The following ADGRL2 variants were observed in gnomAD, a reference collection of about 807,000 sequenced individuals.
ADGRL2 encodes the protein calcium-independent alpha-latrotoxin receptor 2.
A neutral mutation model predicts 157.4 loss-of-function variants in ADGRL2; 44 were observed. That is an observed-to-expected ratio of 0.28 (90% confidence interval 0.22 to 0.36). The LOEUF (loss-of-function observed/expected upper bound fraction) is 0.36. Among genes scored for constraint, ADGRL2 ranks in the 10% least tolerant of loss-of-function variants. ADGRL2 has a pLI of 1.00. For missense variants in ADGRL2, 1,510 were observed against 1,768.9 expected (o/e 0.85, Z 2.63); for synonymous variants, 585 against 624.7 (o/e 0.94, Z 0.95).
intron 2 of ADGRL2, among the ~76,000 whole-genome samples, chr1:81,869,593 T>G (rs2093637996): frequency 6.6e-6 from 1 of 152,114 alleles, no homozygotes; most frequent in African/African-American, 2.4e-5. Flanking sequence ...GTGTATAGTT[T>G]GAATACTTTA....
intron 3 of ADGRL2, among the ~76,000 whole-genome samples, chr1:81,638,968 G>A (rs772275898): frequency 7.9e-5 from 12 of 152,264 alleles, no homozygotes; most frequent in African/African-American, 9.6e-5. Context: ...CACCCACTGC[G>A]CTTCAACTTG....
At chr1:81,530,951 GC>G (rs56978594) in intron 2 of ADGRL2, among the ~76,000 whole-genome samples, 4,445 of 151,954 alleles carry the variant, frequency 0.029, 214 homozygotes, top group African/African-American at 0.1. Context: ...AGGCATGGTG[GC>G]GCACACCTGT....
intron 2 of ADGRL2, chr1:81,501,761 G>A: frequency 6.2e-7 from 1 of 1,609,542 alleles, no homozygotes; most frequent in East Asian, 2.2e-5. Context: ...GGTGAAGCTT[G>A]AGGCAAAAAT....
At chr1:81,487,044 C>T (rs1252372475) in intron 2 of ADGRL2, among the ~76,000 whole-genome samples, 1 of 134,492 alleles carries the variant, frequency 7.4e-6, no homozygotes, top group East Asian at 2.2e-4. Context: ...TCACTTGAGC[C>T]AGGAATTGGA....
chr1:81,635,023 C>T (rs1387384283), intron 3 of ADGRL2, among the ~76,000 whole-genome samples: 6 of 152,190 alleles, frequency 3.9e-5, no homozygotes, highest in Non-Finnish European at 8.8e-5. Flanking sequence ...GGGCTTAACA[C>T]CCAAGAATTA....
intron 1 of ADGRL2, among the ~76,000 whole-genome samples, chr1:81,394,842 C>G (rs1336307765): frequency 1.3e-5 from 2 of 152,000 alleles, no homozygotes; most frequent in African/African-American, 4.8e-5. Flanking sequence ...TACATTCTTT[C>G]CATTCTTACC....
Position 81,670,786 on chromosome 1 carries a change from G to T in ADGRL2, c.-143+89806G>T, listed in dbSNP as rs2148915163. Among the ~76,000 whole-genome samples the T allele has an allele frequency of 3.9e-5, 6 of 152,300 alleles. No individual in the cohort carries two copies. In the Middle Eastern group the frequency reaches 0.017, roughly 432 times the overall value. On this transcript the variant is annotated intron_variant, in intron 3 of 24. Coordinates refer to the ADGRL2 transcript ENST00000370721. ...GCTGGGTGCAATGGCACGATCTTGG[G>T]TCACTGCAGCCTTAACCTCCCAGGC... is the stretch of plus-strand genomic sequence containing the variant.
chr1:81,401,299 C>T (rs112509681), intron 1 of ADGRL2, among the ~76,000 whole-genome samples: 3,980 of 152,256 alleles, frequency 0.026, 67 homozygotes, highest in Middle Eastern at 0.044. Context: ...ACTCAGCTGC[C>T]TGGAGTTCAC....
At chr1:81,462,839 A>G (rs1295449064) in intron 2 of ADGRL2, among the ~76,000 whole-genome samples, 1 of 152,242 alleles carries the variant, frequency 6.6e-6, no homozygotes, top group African/African-American at 2.4e-5. Context: ...TAAGTTGGCT[A>G]GGCAGTGGCT....
intron 18 of ADGRL2, 56 bp from the exon 19 acceptor site, chr1:81,981,752 T>C: frequency 7.5e-7 from 1 of 1,339,290 alleles, no homozygotes; most frequent in Non-Finnish European, 1.1e-6. Flanking sequence ...CATTTAAGCG[T>C]GATGTGTGTT....
chr1:81,493,238 T>C (rs2078669163), intron 2 of ADGRL2, among the ~76,000 whole-genome samples: 1 of 152,204 alleles, frequency 6.6e-6, no homozygotes, highest in South Asian at 2.1e-4. Context: ...TGCAATAGCA[T>C]GATAGCTCAG....
At chr1:81,781,732 A>G (rs1188889681) in intron 2 of ADGRL2, among the ~76,000 whole-genome samples, 1 of 152,196 alleles carries the variant, frequency 6.6e-6, no homozygotes, top group African/African-American at 2.4e-5. Context: ...GATAAAGCAT[A>G]TCTTGGCTTG....
At chr1:81,776,524 G>T (rs1057117577) in intron 2 of ADGRL2, among the ~76,000 whole-genome samples, 2 of 152,162 alleles carry the variant, frequency 1.3e-5, no homozygotes, top group African/African-American at 2.4e-5. Context: ...GCATAGTAAA[G>T]AGGATTTGGG....
intron 2 of ADGRL2, among the ~76,000 whole-genome samples, chr1:81,872,479 AC>A (rs1397136146): frequency 1.3e-5 from 2 of 152,128 alleles, no homozygotes; most frequent in Admixed American, 1.3e-4. Flanking sequence ...ATAAAACTAT[AC>A]TTTACAGTTC....
chr1:81,607,266 A>T (rs973468677), intron 3 of ADGRL2, among the ~76,000 whole-genome samples: 3 of 152,190 alleles, frequency 2.0e-5, no homozygotes. Context: ...ATATTAACCA[A>T]CTAACTTATT....
At chr1:81,812,370 C>T (rs966749861) in intron 1 of ADGRL2, among the ~76,000 whole-genome samples, 1 of 151,632 alleles carries the variant, frequency 6.6e-6, no homozygotes, top group Non-Finnish European at 1.5e-5. Context: ...TATAGTGCAA[C>T]TTAATGTACT....
chr1:81,566,313 C>T (rs1327319835), intron 2 of ADGRL2, among the ~76,000 whole-genome samples: 1 of 152,106 alleles, frequency 6.6e-6, no homozygotes, highest in Non-Finnish European at 1.5e-5. Flanking sequence ...GGTATTACCC[C>T]TCTAACTAGA....
chr1:81,820,065 T>C (rs1455767425), intron 1 of ADGRL2, among the ~76,000 whole-genome samples: 2 of 152,188 alleles, frequency 1.3e-5, no homozygotes, highest in Non-Finnish European at 2.9e-5. Flanking sequence ...TTTTCAGCTC[T>C]TCATACCCAG....
At chr1:81,510,541 G>T (rs114790946) in intron 2 of ADGRL2, among the ~76,000 whole-genome samples, 2,935 of 152,004 alleles carry the variant, frequency 0.019, 48 homozygotes, top group Admixed American at 0.044. Flanking sequence ...ATTGAAAAAA[G>T]AAACAATTTT....
Sources: allele counts gnomAD v4.1 joint callset (sites outside exome capture counted in the v4.1 genomes callset), GRCh38; gene constraint gnomAD v4.1.1; transcripts MANE v1.5; gene names NCBI Gene and HGNC (gene_info 2026-07-23, HGNC 2026-07-21).